The following GUCY2C variants were observed in gnomAD, a reference collection of about 807,000 sequenced individuals.
GUCY2C encodes guanylyl cyclase C.
Under a neutral mutation model 131.1 loss-of-function variants are expected in GUCY2C, and 118 were observed. The ratio of observed to expected loss-of-function variants is 0.90; its 90% CI spans 0.78 to 1.05. The LOEUF is 1.05. GUCY2C is among the 50% of genes least tolerant of loss of function. The pLI, the probability that GUCY2C is intolerant of heterozygous loss-of-function variation, is 0.00. For synonymous variants in GUCY2C, 452 were observed against 457.8 expected (o/e 0.99, Z 0.16); for missense variants, 1,161 against 1,304.4 (o/e 0.89, Z 1.69).
At chr12:14,645,461 C>A (rs747663854) in intron 15 of GUCY2C, 146 bp from the exon 16 acceptor site, 10 of 574,002 alleles carry the variant, frequency 1.7e-5, no homozygotes, top group Non-Finnish European at 2.8e-5. Context: ...ATTTCATGAA[C>A]CTGTGTTTTT....
intron 12 of GUCY2C, among the ~76,000 whole-genome samples, chr12:14,655,351 G>C (rs1947742971): frequency 6.6e-6 from 1 of 152,206 alleles, no homozygotes; most frequent in African/African-American, 2.4e-5. Flanking sequence ...AGCTGAGACA[G>C]ATTGGTCTTT....
intron 9 of GUCY2C, among the ~76,000 whole-genome samples, chr12:14,671,005 TTCACTA>T (rs1244854884): frequency 1.3e-5 from 2 of 151,722 alleles, no homozygotes; most frequent in East Asian, 4.0e-4. Flanking sequence ...GTGATACTTA[TTCACTA>T]TCACGAGACT....
chr12:14,692,424 TTA>T (rs896068204), intron 1 of GUCY2C, among the ~76,000 whole-genome samples: 10 of 151,468 alleles, frequency 6.6e-5, no homozygotes, highest in African/African-American at 2.5e-4. Context: ...TAACAGATAT[TTA>T]TTTTTTTTGA....
intron 1 of GUCY2C, among the ~76,000 whole-genome samples, chr12:14,690,207 C>A (rs7307515): frequency 6.6e-6 from 1 of 152,116 alleles, no homozygotes; most frequent in African/African-American, 2.4e-5. Flanking sequence ...GAATTGAAAA[C>A]AAGTTTCTCT....
chr12:14,665,218 G>GAAAAA (rs550017739), intron 10 of GUCY2C, among the ~76,000 whole-genome samples: 1 of 85,436 alleles, frequency 1.2e-5, no homozygotes, highest in Non-Finnish European at 2.5e-5. Flanking sequence ...TCCGTCTCAG[G>GAAAAA]AAAAAAAAAA....
At chr12:14,635,367 T>G (rs1335532923) in intron 19 of GUCY2C, among the ~76,000 whole-genome samples, 1 of 151,966 alleles carries the variant, frequency 6.6e-6, no homozygotes, top group African/African-American at 2.4e-5. Flanking sequence ...GAATAACCAT[T>G]GAGTCGATAA....
intron 15 of GUCY2C, among the ~76,000 whole-genome samples, chr12:14,648,430 G>T (rs976950800): frequency 6.6e-6 from 1 of 152,076 alleles, no homozygotes; most frequent in African/African-American, 2.4e-5. Context: ...TATCAGAAAA[G>T]ACTCTACAGA....
At chr12:14,695,035 C>T (rs1296578724) in intron 1 of GUCY2C, among the ~76,000 whole-genome samples, 3 of 152,100 alleles carry the variant, frequency 2.0e-5, no homozygotes, top group Non-Finnish European at 4.4e-5. Flanking sequence ...ATAATACATA[C>T]TGGATATTAT....
intron 10 of GUCY2C, among the ~76,000 whole-genome samples, chr12:14,668,853 C>G (rs902387665): frequency 2.0e-5 from 3 of 151,932 alleles, no homozygotes; most frequent in African/African-American, 7.3e-5. Flanking sequence ...GAAAGCTGGC[C>G]AAGTCATGTT....
Position 14,696,229 on chromosome 12 carries a change from T to C in GUCY2C, c.217+3A>G. The C allele has an allele frequency of 6.2e-7, 1 of 1,609,708 alleles. No homozygotes were observed. On this transcript the variant is annotated splice_donor_region_variant and intron_variant, in intron 1 of 26. Coordinates refer to ENST00000261170, the MANE Select transcript of GUCY2C (RefSeq NM_004963.4). ...GAGGAAGATTCTATTAACATTTTCTTACCAGCATTTTGCAGACGTCCTCTC... is the reference window on the plus strand; with the variant it reads ...GAGGAAGATTCTATTAACATTTTCTCACCAGCATTTTGCAGACGTCCTCTC...
intron 10 of GUCY2C, 111 bp from the exon 11 acceptor site, chr12:14,661,173 A>G: frequency 2.9e-6 from 2 of 678,236 alleles, no homozygotes; most frequent in Non-Finnish European, 5.2e-6. Flanking sequence ...CCTTTAAAAA[A>G]ATTTATTTTT....
In GUCY2C at chr12:14,686,159, A is replaced by C. The variant is rs781048413; in HGVS notation, c.395+2T>G. 6.4e-7 allele frequency: 1 copy of C among 1,569,734 alleles called. No individual in the cohort carries two copies. The highest frequency in any genetic ancestry group is 8.8e-7 in the Non-Finnish European group (1 of 1,139,658). ...ACTTCAGTTCACAGTAGTATTACTT[A>C]CTACATCTGGAAGGTGGAGTATGTA... On this transcript the variant is annotated splice_donor_variant, in intron 3 of 26. Transcript: ENST00000261170. LOFTEE classifies it high-confidence loss of function.
At chr12:14,626,002 G>T in intron 20 of GUCY2C, 87 bp from the exon 21 acceptor site, 1 of 780,650 alleles carries the variant, frequency 1.3e-6, no homozygotes, top group East Asian at 2.7e-5. Flanking sequence ...ATGATGAACA[G>T]ATAATTAAAC....
intron 20 of GUCY2C, among the ~76,000 whole-genome samples, chr12:14,626,706 T>C (rs764178448): frequency 1.3e-4 from 20 of 152,152 alleles, no homozygotes; most frequent in Non-Finnish European, 2.5e-4. Context: ...TACAAATTAG[T>C]ATAGTTGAAT....
At chr12:14,629,091 T>C (rs1332887372) in intron 19 of GUCY2C, among the ~76,000 whole-genome samples, 2 of 152,176 alleles carry the variant, frequency 1.3e-5, no homozygotes, top group African/African-American at 4.8e-5. Flanking sequence ...GTTTTAGTAC[T>C]GACTGAGTGG....
Position 14,661,040 on chromosome 12 carries a change from T to G in GUCY2C, c.1305A>C (p.Ala435=), listed in dbSNP as rs1947856975. The change falls in exon 11 of 27, where the codon GCA becomes GCC. Residue 435 remains alanine, a synonymous_variant. Transcript: ENST00000261170. ...CCACAGCTCCAGTGAGGGTGAAGACTGCAATCATCAGGATCTGAGGGCCTG... is the reference window on the plus strand; with the variant it reads ...CCACAGCTCCAGTGAGGGTGAAGACGGCAATCATCAGGATCTGAGGGCCTG... ...TGRGPQILMI[A]VFTLTGAVVL... is the part of the protein sequence containing the mutation. The G allele has an allele frequency of 1.9e-6, 3 of 1,612,812 alleles. No individual in the cohort carries two copies. The highest frequency in any genetic ancestry group is 2.5e-6 in the Non-Finnish European group (3 of 1,178,836).
At chr12:14,657,641 C>T (rs1443210105) in intron 11 of GUCY2C, among the ~76,000 whole-genome samples, 2 of 152,184 alleles carry the variant, frequency 1.3e-5, no homozygotes, top group South Asian at 2.1e-4. Flanking sequence ...CACAGGACCG[C>T]GAACCCTATT....
intron 19 of GUCY2C, among the ~76,000 whole-genome samples, chr12:14,631,230 T>A (rs1173916391): frequency 6.6e-6 from 1 of 152,016 alleles, no homozygotes; most frequent in Non-Finnish European, 1.5e-5. Context: ...TTTTTTAAAA[T>A]TTTTTTTATT....
chr12:14,660,336 A>G (rs1947843993), intron 11 of GUCY2C, among the ~76,000 whole-genome samples: 1 of 152,242 alleles, frequency 6.6e-6, no homozygotes, highest in South Asian at 2.1e-4. Flanking sequence ...ATTTCTTAGT[A>G]CACACAATGT....
Sources: gnomAD v4.1 joint callset for allele counts (sites outside exome capture counted in the v4.1 genomes callset) on GRCh38, gnomAD v4.1.1 for gene constraint, MANE v1.5 for transcripts, NCBI Gene and HGNC (gene_info 2026-07-23, HGNC 2026-07-21) for gene names.